Variants in KCTD1 observed in about 807,000 individuals in gnomAD.
The protein encoded by KCTD1 is BTB/POZ domain-containing protein KCTD1.
In KCTD1, 24 loss-of-function variants were observed where a neutral mutation model predicts 66.0. That is an observed-to-expected ratio of 0.36 (90% CI 0.26 to 0.51). KCTD1 has a LOEUF of 0.51. Among genes scored for constraint, KCTD1 ranks in the 20% least tolerant of loss-of-function variants. KCTD1 has a pLI of 0.95. For missense variants in KCTD1, 943 were observed against 1,205.2 expected, an observed-to-expected ratio of 0.78 and a Z score of 3.22; for synonymous variants, 511 against 517.2, an observed-to-expected ratio of 0.99 and a Z score of 0.16.
At chr18:26,536,739 TA>T (rs901842655) in intron 1 of KCTD1, among the ~76,000 whole-genome samples, 1 of 152,214 alleles carries the variant, frequency 6.6e-6, no homozygotes, top group Non-Finnish European at 1.5e-5. Context: ...TTGCACACCG[TA>T]AGTGCTCAAT....
intron 1 of KCTD1, among the ~76,000 whole-genome samples, chr18:26,537,698 T>C (rs992281810): frequency 3.9e-5 from 6 of 152,214 alleles, no homozygotes; most frequent in African/African-American, 1.4e-4. Flanking sequence ...ATATAGACCC[T>C]ACTTCTAGAA....
In KCTD1 at chr18:26,455,896, G is replaced by C. The variant is rs762408903; in HGVS notation, c.2445C>G (p.Leu815=). Residue 815 remains leucine, a synonymous_variant, in exon 5 of 5, where the codon CTC becomes CTG. Coordinates refer to ENST00000580059, the MANE Select transcript of KCTD1 (RefSeq NM_001142730.3). ...CAAATCCTCTTTGCTGCAACCTCTC[G>C]AGGACCTGCGAGGGAACAAGACAAG... ...GYCHLNSVQV[L]ERLQQRGFEI... is the part of the protein sequence containing the mutation. 4 of 1,612,816 alleles carry C rather than the reference G, an allele frequency of 2.5e-6. No individual in the cohort carries two copies. Among genetic ancestry groups the C allele is most frequent in the African/African-American group, 2.7e-5 (2 of 74,862 alleles).
intron 1 of KCTD1, chr18:26,599,477 T>C: frequency 6.2e-7 from 1 of 1,608,734 alleles, no homozygotes; most frequent in Non-Finnish European, 8.5e-7. Flanking sequence ...CAGTGGAGGC[T>C]CTGAAAGGTC....
chr18:26,555,349 T>C (rs1985681608), intron 1 of KCTD1, among the ~76,000 whole-genome samples: 1 of 152,190 alleles, frequency 6.6e-6, no homozygotes, highest in Non-Finnish European at 1.5e-5. Context: ...CGCTTGAACC[T>C]GGGAGGCGAA....
intron 1 of KCTD1, among the ~76,000 whole-genome samples, chr18:26,616,542 CA>C (rs1706450240): frequency 6.6e-6 from 1 of 151,704 alleles, no homozygotes; most frequent in African/African-American, 2.4e-5. Flanking sequence ...CATAAAGAGA[CA>C]GAGTCTCACT....
At chr18:26,506,465 GC>G (rs960945783) in intron 1 of KCTD1, among the ~76,000 whole-genome samples, 2 of 152,186 alleles carry the variant, frequency 1.3e-5, no homozygotes, top group Non-Finnish European at 2.9e-5. Context: ...GAAGGAGAGT[GC>G]CCAGTGCTAT....
At chr18:26,474,674 T>C (rs781165800) in intron 3 of KCTD1, among the ~76,000 whole-genome samples, 1 of 152,232 alleles carries the variant, frequency 6.6e-6, no homozygotes, top group Non-Finnish European at 1.5e-5. Flanking sequence ...ATTTTTAAGA[T>C]AGATCTTTTA....
intron 1 of KCTD1, among the ~76,000 whole-genome samples, chr18:26,521,942 T>C (rs1281672685): frequency 1.3e-5 from 2 of 152,148 alleles, no homozygotes; most frequent in Non-Finnish European, 2.9e-5. Flanking sequence ...TAAAAACAGA[T>C]GCACTTTGTT....
upstream of KCTD1, among the ~76,000 whole-genome samples, chr18:26,551,428 G>A (rs573418417): frequency 2.7e-3 from 406 of 152,164 alleles, no homozygotes; most frequent in African/African-American, 9.6e-3. Context: ...GCTTAAATTC[G>A]ATATGAAAAA....
intron 1 of KCTD1, among the ~76,000 whole-genome samples, chr18:26,601,550 C>T (rs1463651775): frequency 6.6e-6 from 1 of 152,098 alleles, no homozygotes; most frequent in Non-Finnish European, 1.5e-5. Context: ...TGTGATGCAA[C>T]AAACACAGCC....
chr18:26,517,658 C>CAAAAAA (rs968619785), intron 1 of KCTD1, among the ~76,000 whole-genome samples: 23 of 53,400 alleles, frequency 4.3e-4, no homozygotes, highest in African/African-American at 1.7e-3. Flanking sequence ...ACTCCGTCTC[C>CAAAAAA]AAAAAAAAAA....
chr18:26,656,998 C>T (rs2145093464), intron 1 of KCTD1, among the ~76,000 whole-genome samples: 1 of 149,846 alleles, frequency 6.7e-6, no homozygotes, highest in Non-Finnish European at 1.5e-5. Flanking sequence ...GCTCCCAGAG[C>T]CACGGCGGCT....
At chr18:26,576,231 T>C (rs1267854265) in intron 1 of KCTD1, among the ~76,000 whole-genome samples, 1 of 152,208 alleles carries the variant, frequency 6.6e-6, no homozygotes, top group African/African-American at 2.4e-5. Context: ...ACGAATTCTT[T>C]AAAGACAAAA....
chr18:26,555,764 C>CT (rs746853483), intron 1 of KCTD1, among the ~76,000 whole-genome samples: 4 of 152,166 alleles, frequency 2.6e-5, no homozygotes, highest in Non-Finnish European at 5.9e-5. Context: ...AAAATCACAT[C>CT]TTATCAATGT....
rs1009702378 is a variant in KCTD1, at chr18:26,468,247, T to C, written c.2133+8268A>G. Among the ~76,000 whole-genome samples, 23 of 152,320 alleles carry C rather than the reference T, an allele frequency of 1.5e-4. No homozygotes were observed. Among genetic ancestry groups the C allele is most frequent in the African/African-American group, 5.5e-4 (23 of 41,578 alleles). Reference sequence around the variant, plus strand: ...TCCATAATAAAACACTGCAGAAAAGTTCTGCAATCACTTATGCAGAGAACA... The same window carrying C: ...TCCATAATAAAACACTGCAGAAAAGCTCTGCAATCACTTATGCAGAGAACA... On this transcript the variant is annotated intron_variant, in intron 3 of 4. Transcript: ENST00000580059. The surrounding 1 kb of genome is among the most constrained non-coding windows in gnomAD (Gnocchi z 4.8).
chr18:26,549,206 G>A, upstream of KCTD1: 2 of 986,052 alleles, frequency 2.0e-6, no homozygotes. Flanking sequence ...GCTTGGGAGC[G>A]GGATGGGGCT....
intron 3 of KCTD1, among the ~76,000 whole-genome samples, chr18:26,472,327 G>A (rs1265104456): frequency 6.6e-6 from 1 of 151,892 alleles, no homozygotes; most frequent in Non-Finnish European, 1.5e-5. Flanking sequence ...AAAATATAAT[G>A]AAATCCTATG....
chr18:26,620,367 A>C (rs200082089), intron 1 of KCTD1, among the ~76,000 whole-genome samples: 20,989 of 122,930 alleles, frequency 0.17, 2,458 homozygotes, highest in Middle Eastern at 0.27. Context: ...AAAAAAAAAA[A>C]AAAAAAAAAA....
intron 1 of KCTD1, among the ~76,000 whole-genome samples, chr18:26,596,382 C>G (rs1161974669): frequency 6.6e-6 from 1 of 152,206 alleles, no homozygotes; most frequent in African/African-American, 2.4e-5. Context: ...AAAGTGAATC[C>G]TGCAGGACCT....
Sources: gnomAD v4.1 joint callset for allele counts (sites outside exome capture counted in the v4.1 genomes callset) on GRCh38, gnomAD v4.1.1 for gene constraint, Gnocchi (gnomAD v3.1) non-coding constraint, MANE v1.5 for transcripts, NCBI Gene and HGNC (gene_info 2026-07-23, HGNC 2026-07-21) for gene names.